Variants in GPHN observed in about 807,000 individuals in gnomAD.
GPHN encodes the protein gephyrin.
Under a neutral mutation model 95.5 loss-of-function variants are expected in GPHN, and 17 were observed. That is an observed-to-expected ratio of 0.18 (90% confidence interval 0.12 to 0.27). The LOEUF (loss-of-function observed/expected upper bound fraction) is 0.27. GPHN is among the 10% of genes least tolerant of loss of function. The pLI is 1.00. For synonymous variants in GPHN, 320 were observed against 322.5 expected (o/e 0.99, Z 0.08); for missense variants, 660 against 978.1 (o/e 0.67, Z 4.34).
the GPHN span, among the ~76,000 whole-genome samples, chr14:67,720,351 A>G: frequency 1.3e-5 from 2 of 152,120 alleles, no homozygotes; most frequent in Non-Finnish European, 2.9e-5. Flanking sequence ...TGCCTTGTGT[A>G]TGATGGTTTT....
At chr14:67,073,113 C>A (rs10149600) in intron 11 of GPHN, among the ~76,000 whole-genome samples, 2 of 151,720 alleles carry the variant, frequency 1.3e-5, no homozygotes, top group African/African-American at 4.8e-5. Flanking sequence ...CACAGGACCA[C>A]TCTTTGTGGG....
intron 3 of GPHN, among the ~76,000 whole-genome samples, chr14:66,790,736 G>A (rs2059941983): frequency 6.6e-6 from 1 of 152,202 alleles, no homozygotes; most frequent in African/African-American, 2.4e-5. Flanking sequence ...GGAGCTCAGG[G>A]AAGCCAGAGA....
At chr14:67,290,446 A>C in the GPHN span, among the ~76,000 whole-genome samples, 1 of 152,240 alleles carries the variant, frequency 6.6e-6, no homozygotes, top group Admixed American at 6.5e-5. Context: ...TCAGTTGCCC[A>C]GGCTAGAGTG....
chr14:67,423,836 A>T, the GPHN span, among the ~76,000 whole-genome samples: 25 of 152,300 alleles, frequency 1.6e-4, no homozygotes, highest in African/African-American at 5.3e-4. Context: ...GGTGTTACTG[A>T]TGGCTCCTGG....
chr14:67,392,923 C>T, the GPHN span: 1 of 1,275,168 alleles, frequency 7.8e-7, no homozygotes, highest in Non-Finnish European at 1.1e-6. Flanking sequence ...AATGACCTCA[C>T]TGACCTTGGC....
intron 5 of GPHN, among the ~76,000 whole-genome samples, chr14:66,882,160 G>C (rs996909872): frequency 3.3e-5 from 5 of 151,590 alleles, no homozygotes; most frequent in African/African-American, 9.7e-5. Context: ...TTATTTGCTT[G>C]TCTGTATTAC....
At chr14:66,623,047 C>A (rs2153320454) in intron 1 of GPHN, among the ~76,000 whole-genome samples, 1 of 152,194 alleles carries the variant, frequency 6.6e-6, no homozygotes, top group Admixed American at 6.5e-5. Flanking sequence ...TGAGACTGGG[C>A]AATTTATAAA....
At chr14:67,474,839 A>G in the GPHN span, among the ~76,000 whole-genome samples, 1 of 152,034 alleles carries the variant, frequency 6.6e-6, no homozygotes, top group Non-Finnish European at 1.5e-5. Context: ...CTGGCTTAGC[A>G]TAACTGGCTT....
intron 2 of GPHN, among the ~76,000 whole-genome samples, chr14:66,714,198 G>A (rs1595660911): frequency 6.6e-6 from 1 of 152,188 alleles, no homozygotes; most frequent in East Asian, 1.9e-4. Context: ...CCTTGTAGAG[G>A]TCTTTCACCT....
chr14:67,546,038 A>C, the GPHN span, among the ~76,000 whole-genome samples: 1 of 152,316 alleles, frequency 6.6e-6, no homozygotes, highest in East Asian at 1.9e-4. Context: ...AAATGCTTAC[A>C]GGTAAGCTAG....
chr14:66,566,786 C>A (rs2060478089), intron 1 of GPHN, among the ~76,000 whole-genome samples: 1 of 152,084 alleles, frequency 6.6e-6, no homozygotes. Context: ...CAGTTTGGGG[C>A]AAATCACTAG....
At chr14:67,711,114 C>T in the GPHN span, among the ~76,000 whole-genome samples, 5 of 152,298 alleles carry the variant, frequency 3.3e-5, no homozygotes, top group African/African-American at 7.2e-5. Context: ...CGATAACAAA[C>T]CTTACTTCCT....
Position 66,508,208 on chromosome 14 carries a change from C to T in GPHN, c.-320C>T. On this transcript the variant is annotated 5_prime_UTR_variant, in exon 1 of 23. Transcript: ENST00000478722. ...TCTCGCGCTCCGCAGAGCGTTCCGA[C>T]ACTCTCCGGCCTCGTTCTGCCGCCT... is the stretch of plus-strand genomic sequence containing the variant. 1 of 519,050 alleles carries T rather than the reference C, an allele frequency of 1.9e-6. No homozygotes were observed. Among genetic ancestry groups the T allele is most frequent in the South Asian group, 2.0e-5 (1 of 49,372 alleles). The allele number at this position is 519,050 out of a possible 1,614,324, so 32.2% of individuals were successfully genotyped here. A position where few individuals can be genotyped will look rare whatever the true frequency, so the allele number is the denominator to read the frequency against.
chr14:67,598,076 C>A, the GPHN span, among the ~76,000 whole-genome samples: 2 of 152,136 alleles, frequency 1.3e-5, no homozygotes, highest in Non-Finnish European at 2.9e-5. Flanking sequence ...GTGTAGAATT[C>A]AAACAATTCA....
intron 1 of GPHN, among the ~76,000 whole-genome samples, chr14:66,650,853 A>G (rs765151132): frequency 1.3e-5 from 2 of 152,164 alleles, no homozygotes; most frequent in Non-Finnish European, 2.9e-5. Flanking sequence ...TTTTGGTTTC[A>G]CTACTTGGGT....
At chr14:67,514,588 T>C in the GPHN span, among the ~76,000 whole-genome samples, 1 of 152,090 alleles carries the variant, frequency 6.6e-6, no homozygotes, top group South Asian at 2.1e-4. Context: ...CCTTCCCTTC[T>C]GGAAAGTCCT....
the GPHN span, among the ~76,000 whole-genome samples, chr14:67,556,513 A>C: frequency 6.6e-6 from 1 of 152,138 alleles, no homozygotes; most frequent in Admixed American, 6.5e-5. Flanking sequence ...CCTGGGGTTT[A>C]AGCAGTCCTC....
the GPHN span, among the ~76,000 whole-genome samples, chr14:67,444,064 C>T: frequency 6.6e-6 from 1 of 152,328 alleles, no homozygotes; most frequent in East Asian, 1.9e-4. Context: ...TCTTATCCAC[C>T]TATGATCTGG....
chr14:67,119,608 T>C (rs1451176004), intron 16 of GPHN, among the ~76,000 whole-genome samples: 2 of 151,426 alleles, frequency 1.3e-5, no homozygotes, highest in East Asian at 2.0e-4. Flanking sequence ...TGACCAACAG[T>C]AGAGAAACAC....
Sources: gnomAD v4.1 joint callset for allele counts (sites outside exome capture counted in the v4.1 genomes callset) on GRCh38, gnomAD v4.1.1 for gene constraint, MANE v1.5 for transcripts, NCBI Gene and HGNC (gene_info 2026-07-23, HGNC 2026-07-21) for gene names.